Variants in PAK5 observed in about 807,000 individuals in gnomAD.
PAK5 encodes the protein p21 (RAC1) activated kinase 5.
In PAK5, 16 loss-of-function variants were observed where a neutral mutation model predicts 65.9. The ratio of observed to expected loss-of-function variants is 0.24; its 90% CI spans 0.16 to 0.37. PAK5 has a LOEUF of 0.37. Among genes scored for constraint, PAK5 ranks in the 10% least tolerant of loss-of-function variants. The pLI is 1.00. For missense variants in PAK5, 785 were observed against 903.9 expected, an observed-to-expected ratio of 0.87 and a Z score of 1.69; for synonymous variants, 371 against 354.9, an observed-to-expected ratio of 1.05 and a Z score of -0.51.
At chr20:9,681,447 C>G (rs1376788086) in intron 2 of PAK5, among the ~76,000 whole-genome samples, 1 of 152,070 alleles carries the variant, frequency 6.6e-6, no homozygotes, top group East Asian at 1.9e-4. Context: ...CCAACTTGTC[C>G]TATCTTTATT....
At chr20:9,701,843 A>G (rs1025683002) in intron 2 of PAK5, among the ~76,000 whole-genome samples, 1 of 151,960 alleles carries the variant, frequency 6.6e-6, no homozygotes, top group Non-Finnish European at 1.5e-5. Context: ...TACTAAAAAT[A>G]TAAAAAATTA....
At chr20:9,835,030 T>C (rs150488325) in intron 1 of PAK5, among the ~76,000 whole-genome samples, 1 of 152,330 alleles carries the variant, frequency 6.6e-6, no homozygotes, top group East Asian at 1.9e-4. Flanking sequence ...GATGCATTTG[T>C]TAAAGCCAAG....
chr20:9,630,906 G>C (rs1014513693), intron 3 of PAK5, among the ~76,000 whole-genome samples: 1 of 152,198 alleles, frequency 6.6e-6, no homozygotes. Context: ...ATCCTGTGCT[G>C]TCCCACCATT....
At chr20:9,703,930 C>A (rs948727585) in intron 2 of PAK5, among the ~76,000 whole-genome samples, 5 of 152,144 alleles carry the variant, frequency 3.3e-5, no homozygotes, top group African/African-American at 9.7e-5. Flanking sequence ...CAAGAATTAT[C>A]TCATAAGGCA....
intron 2 of PAK5, among the ~76,000 whole-genome samples, chr20:9,675,545 G>C (rs1018071111): frequency 1.3e-5 from 2 of 151,994 alleles, no homozygotes; most frequent in African/African-American, 2.4e-5. Context: ...GTCTCTCTCT[G>C]TTGCCCAGGT....
At chr20:9,602,542 C>T (rs935048446) in intron 3 of PAK5, among the ~76,000 whole-genome samples, 6 of 152,144 alleles carry the variant, frequency 3.9e-5, no homozygotes, top group Non-Finnish European at 8.8e-5. Context: ...GCTGATTCGT[C>T]AGTCAGTTTC....
At position 9,696,390 on chromosome 20, in the gene PAK5, A is replaced by G. The variant is rs781653423; in HGVS notation, c.-12+14896T>C. On this transcript the variant is annotated intron_variant, in intron 2 of 9. Transcript: ENST00000353224. The stretch of plus-strand genomic sequence containing the variant: ...CCCCAGTTTTCAAACTAGGAATAAC[A>G]GATCCACATTTTTGTTTTATACAGT... 2.0e-5 allele frequency among the ~76,000 whole-genome samples: 3 copies of G among 152,218 alleles called. No homozygotes were observed. In the Middle Eastern group the frequency reaches 0.01, roughly 518 times the overall value.
intron 2 of PAK5, among the ~76,000 whole-genome samples, chr20:9,665,375 G>T (rs1379211365): frequency 6.6e-6 from 1 of 152,132 alleles, no homozygotes; most frequent in East Asian, 1.9e-4. Context: ...CTGGCCACAT[G>T]AATGCTGGCT....
At chr20:9,766,229 A>G (rs1358675363) in intron 1 of PAK5, among the ~76,000 whole-genome samples, 2 of 149,260 alleles carry the variant, frequency 1.3e-5, no homozygotes, top group Non-Finnish European at 3.0e-5. Context: ...TCAAAAAGGA[A>G]AAAAAAAGAA....
intron 1 of PAK5, among the ~76,000 whole-genome samples, chr20:9,823,816 T>TC (rs1555933345): frequency 3.3e-5 from 5 of 151,890 alleles, no homozygotes; most frequent in African/African-American, 1.2e-4. Flanking sequence ...GGTCTGTTTC[T>TC]GGGGGGGAAA....
At chr20:9,704,086 C>A (rs993873105) in intron 2 of PAK5, among the ~76,000 whole-genome samples, 7 of 152,154 alleles carry the variant, frequency 4.6e-5, no homozygotes, top group Non-Finnish European at 7.4e-5. Flanking sequence ...TCCAAATGAA[C>A]TCATCCCACG....
intron 3 of PAK5, among the ~76,000 whole-genome samples, chr20:9,608,080 G>A (rs2046488048): frequency 6.6e-6 from 1 of 152,136 alleles, no homozygotes. Flanking sequence ...CAAGGGAGCT[G>A]TATGGGGTCT....
chr20:9,572,526 GA>G lies in PAK5; in HGVS notation c.991-6143del, dbSNP rs1229040109. 3.9e-5 allele frequency among the ~76,000 whole-genome samples: 6 copies of G among 152,326 alleles called. No individual in the cohort carries two copies. In the East Asian group the frequency reaches 1.2e-3, roughly 29 times the overall value. On this transcript the variant is annotated intron_variant, in intron 4 of 9. Coordinates refer to ENST00000353224, the MANE Select transcript of PAK5 (RefSeq NM_177990.4). ...TACAAATACATTCTAGAAAAAAAATGAGTAGGCTTGAAGTTCATAAAAGCAG... is the reference window on the plus strand; with the variant it reads ...TACAAATACATTCTAGAAAAAAAATGGTAGGCTTGAAGTTCATAAAAGCAG...
chr20:9,827,843 T>G (rs978663093), intron 1 of PAK5, among the ~76,000 whole-genome samples: 1 of 152,144 alleles, frequency 6.6e-6, no homozygotes, highest in Non-Finnish European at 1.5e-5. Flanking sequence ...ATTTACTTAT[T>G]TATTTAGAGA....
chr20:9,756,439 C>G (rs1053755126), intron 1 of PAK5, among the ~76,000 whole-genome samples: 7 of 152,098 alleles, frequency 4.6e-5, no homozygotes, highest in Admixed American at 2.0e-4. Context: ...CATTCCCCTA[C>G]AACTGCACTG....
At chr20:9,722,747 T>TC (rs898403831) in intron 1 of PAK5, among the ~76,000 whole-genome samples, 20 of 151,882 alleles carry the variant, frequency 1.3e-4, no homozygotes, top group Non-Finnish European at 4.4e-5. Flanking sequence ...ATGGAAGATT[T>TC]TTTTTTTTTT....
At chr20:9,686,739 G>A (rs1429487086) in intron 2 of PAK5, among the ~76,000 whole-genome samples, 5 of 152,098 alleles carry the variant, frequency 3.3e-5, no homozygotes, top group East Asian at 1.9e-4. Context: ...AGACCCCTTC[G>A]TCTGAACCAC....
At chr20:9,760,826 C>T (rs1240570878) in intron 1 of PAK5, among the ~76,000 whole-genome samples, 2 of 151,862 alleles carry the variant, frequency 1.3e-5, no homozygotes, top group Non-Finnish European at 2.9e-5. Flanking sequence ...CATGCATCAC[C>T]ATGCTCAGCT....
intron 7 of PAK5, among the ~76,000 whole-genome samples, chr20:9,548,622 T>C (rs562229542): frequency 1.3e-5 from 2 of 152,232 alleles, no homozygotes; most frequent in South Asian, 2.1e-4. Context: ...TCCTTAAGAG[T>C]TGGGCAAACA....
Sources: allele counts gnomAD v4.1 joint callset (sites outside exome capture counted in the v4.1 genomes callset), GRCh38; gene constraint gnomAD v4.1.1; transcripts MANE v1.5; gene names NCBI Gene and HGNC (gene_info 2026-07-23, HGNC 2026-07-21).